Variants in CD109 observed in about 807,000 individuals in gnomAD.
The protein encoded by CD109 is CD109 antigen.
In CD109, 149 loss-of-function variants were observed where a neutral mutation model predicts 165.8. The ratio of observed to expected loss-of-function variants is 0.90; its 90% confidence interval spans 0.79 to 1.03. The LOEUF is 1.03. CD109 is among the 50% of genes least tolerant of loss of function. The pLI, the probability that CD109 is intolerant of heterozygous loss-of-function variation, is 0.00. For synonymous variants in CD109, 585 were observed against 592.1 expected (o/e 0.99, Z 0.18); for missense variants, 1,712 against 1,677.8 (o/e 1.02, Z -0.36).
chr6:73,754,774 C>G (rs1773322320), intron 5 of CD109, among the ~76,000 whole-genome samples: 1 of 152,126 alleles, frequency 6.6e-6, no homozygotes, highest in African/African-American at 2.4e-5. Flanking sequence ...AAGCTAAGCC[C>G]TGGAAAATGG....
At chr6:73,711,464 T>C (rs1181236729) in intron 2 of CD109, among the ~76,000 whole-genome samples, 1 of 152,208 alleles carries the variant, frequency 6.6e-6, no homozygotes, top group Non-Finnish European at 1.5e-5. Flanking sequence ...ATTTACCCAA[T>C]AGTTTTTTTG....
chr6:73,797,200 G>C (rs1454424015), intron 23 of CD109, among the ~76,000 whole-genome samples: 1 of 152,174 alleles, frequency 6.6e-6, no homozygotes, highest in Admixed American at 6.5e-5. Context: ...CGAAACAACA[G>C]CTACATCATT....
At chr6:73,694,717 T>A (rs749098470), upstream of CD109, 10 of 152,262 alleles carry the variant, frequency 6.6e-5, no homozygotes, top group Non-Finnish European at 1.5e-4. Context: ...TTTCATGTGA[T>A]TCTCACACAC....
intron 15 of CD109, among the ~76,000 whole-genome samples, chr6:73,778,525 A>G (rs1455347681): frequency 6.6e-6 from 1 of 152,192 alleles, no homozygotes; most frequent in East Asian, 1.9e-4. Flanking sequence ...TTGGTGTCTG[A>G]GCAAGAGCGG....
At chr6:73,818,128 T>C (rs1736119153) in intron 30 of CD109, among the ~76,000 whole-genome samples, 1 of 152,188 alleles carries the variant, frequency 6.6e-6, no homozygotes, top group Admixed American at 6.5e-5. Flanking sequence ...CACAAGCCTC[T>C]TACATTGCAG....
rs1440041246 is a variant in CD109 at position 73,803,526 on chromosome 6, TG to T, written c.2960+226del. ...AAGATAAGTTATAAATCCTCTTTTT[TG>T]TGTGTGTGTGTGTGTGGAAGAAACA... On this transcript the variant is annotated intron_variant, in intron 24 of 32. Coordinates refer to ENST00000287097, the MANE Select transcript of CD109 (RefSeq NM_133493.5). Among the ~76,000 whole-genome samples, 71 of 150,124 alleles carry T rather than the reference TG, an allele frequency of 4.7e-4. 1 individual carries two copies. The highest frequency in any genetic ancestry group is 1.7e-3 in the African/African-American group (68 of 40,384).
At chr6:73,702,932 C>G (rs902987794) in intron 2 of CD109, among the ~76,000 whole-genome samples, 1 of 152,142 alleles carries the variant, frequency 6.6e-6, no homozygotes, top group Non-Finnish European at 1.5e-5. Context: ...ACCGGGAACT[C>G]TATAAAAGAC....
At chr6:73,778,457 T>C (rs1007927937) in intron 15 of CD109, among the ~76,000 whole-genome samples, 1 of 152,198 alleles carries the variant, frequency 6.6e-6, no homozygotes, top group Non-Finnish European at 1.5e-5. Flanking sequence ...ATAGGAGCGG[T>C]GAGAGAGGGC....
chr6:73,711,073 C>G (rs1156445747), intron 2 of CD109, among the ~76,000 whole-genome samples: 1 of 152,190 alleles, frequency 6.6e-6, no homozygotes, highest in Non-Finnish European at 1.5e-5. Context: ...AGGCGTGGGC[C>G]AGACTGGATC....
chr6:73,728,980 A>G (rs1445477504), intron 3 of CD109, among the ~76,000 whole-genome samples: 1 of 152,214 alleles, frequency 6.6e-6, no homozygotes, highest in Non-Finnish European at 1.5e-5. Flanking sequence ...TGCAATCAAG[A>G]TATCAGCTAG....
At chr6:73,769,340 C>G (rs1343781066) in intron 14 of CD109, among the ~76,000 whole-genome samples, 2 of 152,140 alleles carry the variant, frequency 1.3e-5, no homozygotes, top group Non-Finnish European at 2.9e-5. Flanking sequence ...TTCTAGTGAT[C>G]CTAGTAATTG....
chr6:73,697,280 G>T, intron 1 of CD109, 120 bp from the exon 2 acceptor site: 1 of 785,502 alleles, frequency 1.3e-6, no homozygotes, highest in Admixed American at 2.7e-5. Flanking sequence ...CAATGTTAAC[G>T]GAAACAACTG....
chr6:73,764,048 A>G (rs1466357343), intron 10 of CD109, among the ~76,000 whole-genome samples: 4 of 152,204 alleles, frequency 2.6e-5, no homozygotes, highest in South Asian at 2.1e-4. Flanking sequence ...TCTAACAAAG[A>G]TGTTACATTA....
intron 15 of CD109, among the ~76,000 whole-genome samples, chr6:73,772,263 T>C (rs1182304755): frequency 1.3e-5 from 2 of 152,104 alleles, no homozygotes; most frequent in African/African-American, 2.4e-5. Context: ...CTCAGCACTT[T>C]GGGAGGCCGA....
rs74442225 is a variant in CD109, at chr6:73,812,276, T to A, written c.3768+6T>A. Reference sequence around the variant, plus strand: ...TTGGATTTGCTATTTGTCAGGTATGTAACGATGCTTATTTTTTTAAGTTAA... The same window carrying A: ...TTGGATTTGCTATTTGTCAGGTATGAAACGATGCTTATTTTTTTAAGTTAA... On this transcript the variant is annotated splice_donor_region_variant and intron_variant, in intron 29 of 32. Coordinates refer to ENST00000287097, the MANE Select transcript of CD109 (RefSeq NM_133493.5). 5,442 of 1,577,166 alleles carry A rather than the reference T, an allele frequency of 3.5e-3. 146 individuals carry two copies. In the African/African-American group the frequency reaches 0.06, roughly 17 times the overall value.
intron 15 of CD109, among the ~76,000 whole-genome samples, chr6:73,773,644 T>C (rs766547100): frequency 1.3e-5 from 2 of 152,202 alleles, no homozygotes; most frequent in Non-Finnish European, 2.9e-5. Flanking sequence ...TTATCAGTAT[T>C]TGAATCTTCT....
the CD109 span, among the ~76,000 whole-genome samples, chr6:73,686,295 CTTG>C: frequency 1.3e-5 from 2 of 152,152 alleles, no homozygotes; most frequent in African/African-American, 2.4e-5. Flanking sequence ...ATTCCAGCAT[CTTG>C]TTGATGTCCT....
chr6:73,785,552 G>C (rs140510356), intron 20 of CD109, 75 bp downstream of exon 20: 1 of 758,412 alleles, frequency 1.3e-6, no homozygotes, highest in Admixed American at 2.9e-5. Context: ...ATTGGGTTGT[G>C]TAGTATCTGG....
chr6:73,702,484 A>G (rs577734513), intron 2 of CD109, among the ~76,000 whole-genome samples: 5 of 152,242 alleles, frequency 3.3e-5, no homozygotes, highest in Non-Finnish European at 7.3e-5. Flanking sequence ...CTTTGCCAAC[A>G]TAACTCAGTC....
Sources: allele counts gnomAD v4.1 joint callset (sites outside exome capture counted in the v4.1 genomes callset), GRCh38; gene constraint gnomAD v4.1.1; transcripts MANE v1.5; gene names NCBI Gene and HGNC (gene_info 2026-07-23, HGNC 2026-07-21).